Variants in IGSF9B observed in about 807,000 individuals in gnomAD.
The protein encoded by IGSF9B is immunoglobulin superfamily member 9B, also known as protein turtle homolog B.
A neutral mutation model predicts 143.7 loss-of-function variants in IGSF9B; 48 were observed. The ratio of observed to expected loss-of-function variants is 0.33; its 90% CI spans 0.26 to 0.42. IGSF9B has a LOEUF of 0.42. Ranked by LOEUF, IGSF9B falls within the 20% of genes least tolerant of loss-of-function variation. The probability of loss-of-function intolerance (pLI) is 1.00; values close to 1 mark genes in which losing one functional copy is unlikely to be tolerated. For missense variants in IGSF9B, 1,706 were observed against 1,980.0 expected, an observed-to-expected ratio of 0.86 and a Z score of 2.63; for synonymous variants, 903 against 833.1, an observed-to-expected ratio of 1.08 and a Z score of -1.44.
At chr11:133,954,851 G>A (rs559918783) in intron 1 of IGSF9B, among the ~76,000 whole-genome samples, 1 of 152,306 alleles carries the variant, frequency 6.6e-6, no homozygotes, top group South Asian at 2.1e-4. Flanking sequence ...ATTCCAGACA[G>A]AAGGACCCCT....
rs1939492842 is a variant in IGSF9B at position 133,920,176 on chromosome 11, C to T, written c.3549G>A (p.Gln1183=). 2 of 1,510,848 alleles carry T rather than the reference C, an allele frequency of 1.3e-6. No individual in the cohort carries two copies. The highest frequency in any genetic ancestry group is 4.6e-5 in the East Asian group (2 of 43,694). 93.6% of individuals were successfully genotyped at this position (1,510,848 alleles called of 1,614,324 possible). ...GTAAACTGGGCTCGGCGCGCCTGGC[C>T]TGCCGAGGGCTAGGCCGGGGCCGGG... ...PQPRPRPSPR[Q]ARRAEPSLHQ... is the part of the protein sequence containing the mutation. The change falls in exon 18 of 20, where the codon CAG becomes CAA. Residue 1183 remains glutamine (Q), a synonymous_variant. Coordinates refer to ENST00000533871, the MANE Select transcript of IGSF9B (RefSeq NM_001277285.4).
At chr11:133,921,689 C>T (rs961514410) in intron 17 of IGSF9B, among the ~76,000 whole-genome samples, 4 of 151,958 alleles carry the variant, frequency 2.6e-5, no homozygotes, top group Admixed American at 1.3e-4. Context: ...AGGTGTGAGC[C>T]GCCGCGCCCG....
Position 133,913,271 on chromosome 11 carries a change from G to A in IGSF9B, c.3984-1264C>T, listed in dbSNP as rs1279920256. ...AGTCCTGATTAAAAGAGGTAGGACA[G>A]ACAATGCTGTGAGGGCAAAAGAAGA... On this transcript the variant is annotated intron_variant, in intron 18 of 19. Transcript: ENST00000533871. The surrounding 1 kb of genome is among the most constrained non-coding windows in gnomAD (Gnocchi z 4.6). 6.6e-6 allele frequency among the ~76,000 whole-genome samples: 1 copy of A among 152,066 alleles called. No individual in the cohort carries two copies. Among genetic ancestry groups the A allele is most frequent in the African/African-American group, 2.4e-5 (1 of 41,404 alleles).
rs1248376814 is a variant in IGSF9B, at chr11:133,913,113, A to G, written c.3984-1106T>C. On this transcript the variant is annotated intron_variant, in intron 18 of 19. Coordinates refer to ENST00000533871, the MANE Select transcript of IGSF9B (RefSeq NM_001277285.4). The surrounding 1 kb of genome is among the most constrained non-coding windows in gnomAD (Gnocchi z 4.6). ...AAAAGACAGGTCACTCTGTCTTCCC[A>G]CCAGCGCTGGCATTAGCACGTGATC... is the stretch of plus-strand genomic sequence containing the variant. 6.6e-6 allele frequency among the ~76,000 whole-genome samples: 1 copy of G among 152,102 alleles called. No homozygotes were observed. Among genetic ancestry groups the G allele is most frequent in the Admixed American group, 6.5e-5 (1 of 15,276 alleles).
rs375556109 is a variant in IGSF9B at position 133,956,774 on chromosome 11, G to T, written c.-20C>A. On this transcript the variant is annotated 5_prime_UTR_variant, in exon 1 of 20. Coordinates refer to ENST00000533871, the MANE Select transcript of IGSF9B (RefSeq NM_001277285.4). ...AATCATAGTACTACCGCGCCAGCCC[G>T]GAGCCTCATCCTATCGCAAAGTGCT... 4.2e-5 allele frequency: 62 copies of T among 1,477,142 alleles called. No homozygotes were observed. Among genetic ancestry groups the T allele is most frequent in the Non-Finnish European group, 4.9e-5 (54 of 1,107,086 alleles). The allele number at this position is 1,477,142 out of a possible 1,614,324, so 91.5% of individuals were successfully genotyped here.
chr11:133,941,115 G>A (rs149688976), intron 3 of IGSF9B, among the ~76,000 whole-genome samples: 362 of 152,306 alleles, frequency 2.4e-3, no homozygotes, highest in African/African-American at 7.2e-3. Context: ...AGGAAAGTAC[G>A]TTGAACAATT....
At chr11:133,929,803 T>C in intron 11 of IGSF9B, 21 bp from the exon 12 acceptor site, 6 of 1,545,532 alleles carry the variant, frequency 3.9e-6, no homozygotes, top group Non-Finnish European at 5.4e-6. Context: ...AGTGGAGACC[T>C]CTCAGACTGA....
In IGSF9B at chr11:133,953,492, G is replaced by A. The variant is rs775977151; in HGVS notation, c.64+3199C>T. 5.9e-5 allele frequency among the ~76,000 whole-genome samples: 9 copies of A among 152,286 alleles called. No individual in the cohort carries two copies. The highest frequency in any genetic ancestry group is 1.0e-4 in the Non-Finnish European group (7 of 68,030). On this transcript the variant is annotated intron_variant, in intron 1 of 19. Coordinates refer to ENST00000533871, the MANE Select transcript of IGSF9B (RefSeq NM_001277285.4). This position sits in a 1 kb window ranked among gnomAD's most constrained non-coding sequence, Gnocchi z 4.2. The stretch of plus-strand genomic sequence containing the variant: ...CCTTCTCAGCCGATAGGCTCACCAC[G>A]GGGTCTTGATAGCAACCTCTGAGTC...
In IGSF9B at chr11:133,944,912, T is replaced by C. The variant is rs543244506; in HGVS notation, c.263-546A>G. 7.9e-5 allele frequency among the ~76,000 whole-genome samples: 12 copies of C among 152,152 alleles called. No homozygotes were observed. In the East Asian group the frequency reaches 2.3e-3, roughly 30 times the overall value. ...CCAGGATGCTAGGGTCCCCTCCCAG[T>C]CCTGCTGTCAGTGCCAGAGAGACTA... On this transcript the variant is annotated intron_variant, in intron 2 of 19. Transcript: ENST00000533871.
chr11:133,930,863 A>C, intron 11 of IGSF9B, 121 bp downstream of exon 11: 1 of 1,058,420 alleles, frequency 9.4e-7, no homozygotes, highest in Non-Finnish European at 1.3e-6. Context: ...GGCTGCACTG[A>C]CTTAGGAAGG....
At chr11:133,914,836 C>A (rs972939736) in intron 18 of IGSF9B, among the ~76,000 whole-genome samples, 1 of 152,170 alleles carries the variant, frequency 6.6e-6, no homozygotes, top group African/African-American at 2.4e-5. Flanking sequence ...ACCAACAGCA[C>A]GTAAAGCCCT....
chr11:133,935,723 G>T lies in IGSF9B; in HGVS notation c.861C>A (p.Thr287=), dbSNP rs1177568687. The T allele has an allele frequency of 6.2e-7, 1 of 1,611,794 alleles. No individual in the cohort carries two copies. The highest frequency in any genetic ancestry group is 8.5e-7 in the Non-Finnish European group (1 of 1,179,218). Residue 287 remains threonine, a synonymous_variant, in exon 7 of 20, where the codon ACC becomes ACA. Coordinates refer to ENST00000533871, the MANE Select transcript of IGSF9B (RefSeq NM_001277285.4). ...KLRVRILIDG[T]LIIFRVKPED... is the part of the protein sequence containing the mutation. ...CCGGCTTCACCCGGAAGATGATCAG[G>T]GTCCCATCGATTAGGATGCGCACCC...
At chr11:133,938,016 G>C (rs982255958) in intron 3 of IGSF9B, 55 bp from the exon 4 acceptor site, 73 of 1,576,090 alleles carry the variant, frequency 4.6e-5, no homozygotes, top group Non-Finnish European at 6.1e-5. Context: ...TCGCTGCCCT[G>C]CAACAACAGT....
rs779198889 is a variant in IGSF9B, at chr11:133,937,456, C to T, written c.599G>A (p.Arg200Gln). The change falls in exon 5 of 20, where the codon CGG becomes CAG. Residue 200 changes from arginine (R) to glutamine (Q), a missense_variant. Transcript: ENST00000533871. ...GCAGGTGTAGGCACCTCTGTCCTCC[C>T]GACTGACCGATGTCACTGTCAGGCT... ...DGSLTVTSVS[R>Q]EDRGAYTCRA... 3.1e-6 allele frequency: 5 copies of T among 1,613,840 alleles called. No homozygotes were observed. Among genetic ancestry groups the T allele is most frequent in the Non-Finnish European group, 4.2e-6 (5 of 1,179,782 alleles).
chr11:133,950,323 C>CCT (rs1940134844), intron 1 of IGSF9B, among the ~76,000 whole-genome samples: 1 of 152,204 alleles, frequency 6.6e-6, no homozygotes, highest in Non-Finnish European at 1.5e-5. Context: ...GGCATGCAAG[C>CCT]CTCGCGTGCT....
intron 7 of IGSF9B, among the ~76,000 whole-genome samples, chr11:133,934,459 C>T (rs925086574): frequency 2.6e-5 from 4 of 152,206 alleles, no homozygotes; most frequent in Admixed American, 6.5e-5. Flanking sequence ...CGCTTTTTCC[C>T]GCTGCAGGTC....
chr11:133,903,637 T>C lies in IGSF9B; in HGVS notation c.*5432A>G, dbSNP rs566870624. ...GGATGGTGGTGTCTTTGGACCAAAT[T>C]CAATCTACTGAGTGTTTTTCTAACA... On this transcript the variant is annotated 3_prime_UTR_variant, in exon 20 of 20. Coordinates refer to ENST00000533871, the MANE Select transcript of IGSF9B (RefSeq NM_001277285.4). Among the ~76,000 whole-genome samples, 1 of 152,296 alleles carries C rather than the reference T, an allele frequency of 6.6e-6. No individual in the cohort carries two copies. The highest frequency in any genetic ancestry group is 1.9e-4 in the East Asian group (1 of 5,172).
At chr11:133,947,497 A>T (rs924353679) in intron 1 of IGSF9B, among the ~76,000 whole-genome samples, 1 of 152,206 alleles carries the variant, frequency 6.6e-6, no homozygotes, top group African/African-American at 2.4e-5. Flanking sequence ...GCTTAAAGAC[A>T]GAGAGCCAGC....
intron 18 of IGSF9B, among the ~76,000 whole-genome samples, chr11:133,918,204 G>T (rs1939429723): frequency 6.6e-6 from 1 of 152,092 alleles, no homozygotes; most frequent in Admixed American, 6.5e-5. Context: ...TGGCCCGGCC[G>T]AAGCCCCGTC....
Sources: gnomAD v4.1 joint callset for allele counts (sites outside exome capture counted in the v4.1 genomes callset) on GRCh38, gnomAD v4.1.1 for gene constraint, Gnocchi (gnomAD v3.1) non-coding constraint, MANE v1.5 for transcripts, NCBI Gene and HGNC (gene_info 2026-07-23, HGNC 2026-07-21) for gene names.